Variants in TENM1 observed in about 807,000 individuals in gnomAD.
TENM1 encodes teneurin transmembrane protein 1.
Under a neutral mutation model 174.8 loss-of-function variants are expected in TENM1, and 35 were observed. The observed-to-expected ratio is 0.20, with a 90% confidence interval of 0.15 to 0.27. The LOEUF is 0.27. Ranked by LOEUF, TENM1 falls within the 10% of genes least tolerant of loss-of-function variation. The probability of loss-of-function intolerance (pLI) is 1.00; values close to 1 mark genes in which losing one functional copy is unlikely to be tolerated. For synonymous variants in TENM1, 781 were observed against 798.7 expected, an observed-to-expected ratio of 0.98 and a Z score of 0.37; for missense variants, 1,633 against 2,130.1, an observed-to-expected ratio of 0.77 and a Z score of 4.59.
At chrX:124,857,092 C>T (rs1222098296) in intron 3 of TENM1, among the ~76,000 whole-genome samples, 1 of 111,154 alleles carries the variant, frequency 9.0e-6, no homozygotes, top group Admixed American at 9.5e-5. Flanking sequence ...AAGTCACTGT[C>T]TTATGAGCTG....
At chrX:124,443,044 A>ATGTGTGTGTGTGTGTGTGTG (rs59365041) in intron 23 of TENM1, among the ~76,000 whole-genome samples, 1 of 51,972 alleles carries the variant, frequency 1.9e-5, no homozygotes, top group East Asian at 5.0e-4. Context: ...CTGGATGACT[A>ATGTGTGTGTGTGTGTGTGTG]TGTGTGTGTG....
intron 11 of TENM1, among the ~76,000 whole-genome samples, chrX:124,578,856 C>T (rs948965998): frequency 8.9e-6 from 1 of 111,899 alleles, no homozygotes; most frequent in Non-Finnish European, 1.9e-5. Flanking sequence ...CCAATATTTT[C>T]CCAAAAGTTC....
intron 5 of TENM1, among the ~76,000 whole-genome samples, chrX:124,696,299 G>T (rs763412779): frequency 2.2e-4 from 25 of 111,655 alleles, no homozygotes; most frequent in Non-Finnish European, 4.3e-4. Flanking sequence ...ACTGATTGAG[G>T]CTAGATTTAC....
At chrX:125,010,450 G>A in the TENM1 span, among the ~76,000 whole-genome samples, 4 of 109,076 alleles carry the variant, frequency 3.7e-5, no homozygotes, top group Admixed American at 3.9e-4. Context: ...TGGCCATACT[G>A]CCCAAAGTAA....
the TENM1 span, among the ~76,000 whole-genome samples, chrX:124,969,458 T>C: frequency 9.8e-5 from 11 of 112,234 alleles, no homozygotes; most frequent in African/African-American, 2.9e-4. Context: ...GTGGAAATCA[T>C]TGACCTTCAA....
chrX:124,794,729 C>A (rs899880346), intron 3 of TENM1, among the ~76,000 whole-genome samples: 2 of 111,610 alleles, frequency 1.8e-5, no homozygotes, highest in African/African-American at 6.5e-5. Context: ...CTTAGGAAAG[C>A]ATTTAAGCTC....
chrX:125,107,779 G>A, the TENM1 span, among the ~76,000 whole-genome samples: 108 of 111,801 alleles, frequency 9.7e-4, 1 homozygote, highest in Non-Finnish European at 1.0e-3. Context: ...ATAACACTAG[G>A]AAGCTTATGC....
the TENM1 span, among the ~76,000 whole-genome samples, chrX:125,078,183 A>C: frequency 4.7e-4 from 53 of 111,844 alleles, no homozygotes; most frequent in South Asian, 0.019. Flanking sequence ...TATTCTACAA[A>C]GAAGCTTTAG....
At chrX:124,485,819 T>C (rs762633054) in intron 21 of TENM1, among the ~76,000 whole-genome samples, 6 of 111,459 alleles carry the variant, frequency 5.4e-5, no homozygotes, top group Non-Finnish European at 1.1e-4. Context: ...ATATGTGATT[T>C]TGTGTGCAAA....
At chrX:124,562,856 A>C (rs2048849884) in intron 13 of TENM1, among the ~76,000 whole-genome samples, 1 of 112,587 alleles carries the variant, frequency 8.9e-6, no homozygotes, top group Non-Finnish European at 1.9e-5. Flanking sequence ...CTTTGAAAGA[A>C]AATTCCAAAA....
chrX:124,987,292 G>T, the TENM1 span, among the ~76,000 whole-genome samples: 21 of 111,295 alleles, frequency 1.9e-4, no homozygotes, highest in African/African-American at 6.9e-4. Flanking sequence ...GTTATAATCT[G>T]ACTTCTATAA....
At chrX:124,850,845 G>C (rs1254791507) in intron 3 of TENM1, among the ~76,000 whole-genome samples, 1 of 111,280 alleles carries the variant, frequency 9.0e-6, no homozygotes, top group African/African-American at 3.3e-5. Context: ...GACTCTTCTA[G>C]AATATGCATT....
chrX:124,513,234 T>C (rs1160492779), intron 18 of TENM1, among the ~76,000 whole-genome samples: 1 of 111,458 alleles, frequency 9.0e-6, no homozygotes, highest in Admixed American at 9.5e-5. Flanking sequence ...TTCTAGTAGG[T>C]GCTTGCACGC....
At chrX:124,792,269 T>C in intron 3 of TENM1, among the ~76,000 whole-genome samples, 1 of 111,982 alleles carries the variant, frequency 8.9e-6, no homozygotes, top group Non-Finnish European at 1.9e-5. Context: ...TGTTCTGTAG[T>C]GAAATTTCCA....
At chrX:124,631,240 T>C (rs2050748650) in intron 11 of TENM1, among the ~76,000 whole-genome samples, 1 of 111,453 alleles carries the variant, frequency 9.0e-6, no homozygotes. Context: ...CCCAAAATAA[T>C]GAGGCATATT....
At chrX:125,021,103 G>GT in the TENM1 span, among the ~76,000 whole-genome samples, 650 of 108,727 alleles carry the variant, frequency 6.0e-3, 3 homozygotes, top group South Asian at 0.024. Flanking sequence ...AAGAAATTAG[G>GT]TTTTTTTTGC....
At chrX:124,523,998 C>G (rs754271151) in intron 16 of TENM1, among the ~76,000 whole-genome samples, 2 of 108,432 alleles carry the variant, frequency 1.8e-5, no homozygotes, top group Non-Finnish European at 3.8e-5. Flanking sequence ...TCTCAGCCTC[C>G]CGAGTAGCTG....
chrX:125,124,776 A>G, the TENM1 span, among the ~76,000 whole-genome samples: 2 of 112,583 alleles, frequency 1.8e-5, no homozygotes, highest in South Asian at 7.3e-4. Context: ...TTATAAAACA[A>G]TTCCCTTGAT....
chrX:125,073,632 A>G, the TENM1 span, among the ~76,000 whole-genome samples: 1 of 110,916 alleles, frequency 9.0e-6, no homozygotes, highest in Non-Finnish European at 1.9e-5. Context: ...TTTCTGTGGC[A>G]TTGTAGGTAT....
Sources: gnomAD v4.1 joint callset for allele counts (sites outside exome capture counted in the v4.1 genomes callset) on GRCh38, gnomAD v4.1.1 for gene constraint, MANE v1.5 for transcripts, NCBI Gene and HGNC (gene_info 2026-07-23, HGNC 2026-07-21) for gene names.